KCND2: variants seen among roughly 807,000 people sequenced by gnomAD.
KCND2 encodes the protein potassium voltage-gated channel subfamily D member 2, also known as A-type voltage-gated potassium channel KCND2.
KCND2 carries 16 observed loss-of-function variants against 54.4 expected under a neutral mutation model. That is an observed-to-expected ratio of 0.29 (90% CI 0.20 to 0.45). KCND2 has a LOEUF of 0.45. KCND2 is among the 20% of genes least tolerant of loss of function. KCND2 has a pLI of 1.00. For synonymous variants in KCND2, 317 were observed against 310.7 expected, an observed-to-expected ratio of 1.02 and a Z score of -0.21; for missense variants, 486 against 824.2, an observed-to-expected ratio of 0.59 and a Z score of 5.02.
At chr7:120,579,641 T>A (rs957925695) in intron 1 of KCND2, among the ~76,000 whole-genome samples, 1 of 120,052 alleles carries the variant, frequency 8.3e-6, no homozygotes, top group Non-Finnish European at 1.8e-5. Flanking sequence ...AATAAATAAA[T>A]AAATAAAATA....
At chr7:120,611,023 T>G (rs1287500860) in intron 1 of KCND2, among the ~76,000 whole-genome samples, 2 of 152,292 alleles carry the variant, frequency 1.3e-5, no homozygotes, top group Non-Finnish European at 1.5e-5. Flanking sequence ...TCACTTGTTA[T>G]CCAAGTTTTA....
At chr7:120,636,835 C>T (rs1306364441) in intron 1 of KCND2, among the ~76,000 whole-genome samples, 1 of 152,186 alleles carries the variant, frequency 6.6e-6, no homozygotes, top group Non-Finnish European at 1.5e-5. Context: ...CCTCTACAAT[C>T]TACCAAGTGA....
chr7:120,376,206 A>G (rs573744639), intron 1 of KCND2, among the ~76,000 whole-genome samples: 2 of 151,728 alleles, frequency 1.3e-5, no homozygotes, highest in East Asian at 3.9e-4. Flanking sequence ...TCTGTATTCT[A>G]TTTCTTTTAT....
intron 1 of KCND2, among the ~76,000 whole-genome samples, chr7:120,282,396 T>C (rs1431610247): frequency 6.6e-6 from 1 of 152,138 alleles, no homozygotes; most frequent in Non-Finnish European, 1.5e-5. Flanking sequence ...CAGGAAAAGC[T>C]CAATGTAATC....
At chr7:120,351,244 G>GTGTATATATATATATATA (rs376321316) in intron 1 of KCND2, among the ~76,000 whole-genome samples, 11 of 137,350 alleles carry the variant, frequency 8.0e-5, no homozygotes, top group African/African-American at 2.7e-4. Context: ...TTATATGTGT[G>GTGTATATATATATATATA]TATATATATA....
At chr7:120,740,988 A>G (rs1411931069) in intron 2 of KCND2, 1 of 387,948 alleles carries the variant, frequency 2.6e-6, no homozygotes, top group Admixed American at 3.0e-5. Context: ...AATTTAAAGG[A>G]TAATTGCAAA....
chr7:120,729,191 A>G (rs1385779803), intron 1 of KCND2, among the ~76,000 whole-genome samples: 1 of 152,204 alleles, frequency 6.6e-6, no homozygotes, highest in African/African-American at 2.4e-5. Context: ...TCTGTGCTCA[A>G]TTACAAGTTG....
chr7:120,739,276 G>A (rs1192561949), intron 2 of KCND2, among the ~76,000 whole-genome samples: 1 of 151,944 alleles, frequency 6.6e-6, no homozygotes, highest in African/African-American at 2.4e-5. Context: ...GGCAATGAAT[G>A]TTCCAGGAGA....
At chr7:120,435,700 A>G (rs1197272342) in intron 1 of KCND2, among the ~76,000 whole-genome samples, 2 of 152,014 alleles carry the variant, frequency 1.3e-5, no homozygotes, top group African/African-American at 4.8e-5. Flanking sequence ...ACCGAACAGA[A>G]CCATAATATC....
intron 1 of KCND2, among the ~76,000 whole-genome samples, chr7:120,709,657 G>T (rs369167888): frequency 6.6e-6 from 1 of 152,132 alleles, no homozygotes; most frequent in Non-Finnish European, 1.5e-5. Context: ...TACCTTGGTT[G>T]TTCATGTTTC....
At chr7:120,542,672 C>A (rs921231468) in intron 1 of KCND2, among the ~76,000 whole-genome samples, 1 of 152,078 alleles carries the variant, frequency 6.6e-6, no homozygotes, top group Non-Finnish European at 1.5e-5. Context: ...CAATTGAATT[C>A]TTTTATTTCT....
At chr7:120,699,662 C>T (rs1174752542) in intron 1 of KCND2, among the ~76,000 whole-genome samples, 2 of 152,050 alleles carry the variant, frequency 1.3e-5, no homozygotes, top group South Asian at 4.2e-4. Context: ...TTTTCCATAG[C>T]AAAGAGAGAT....
At position 120,273,449 on chromosome 7, in the gene KCND2, G is replaced by C. The variant is rs1463719791; in HGVS notation, c.-1184G>C. ...CCGCCGCCCCGCAGCCCCGCACCGC[G>C]CTGGCCAGGCTCCCGCGACAGTGGC... On this transcript the variant is annotated 5_prime_UTR_variant, in exon 1 of 6. Coordinates refer to ENST00000331113, the MANE Select transcript of KCND2 (RefSeq NM_012281.3). Among the ~76,000 whole-genome samples, 5 of 149,142 alleles carry C rather than the reference G, an allele frequency of 3.4e-5. No individual in the cohort carries two copies. Among genetic ancestry groups the C allele is most frequent in the Admixed American group, 3.3e-4 (5 of 15,000 alleles).
At chr7:120,677,154 G>C (rs1432939339) in intron 1 of KCND2, among the ~76,000 whole-genome samples, 1 of 152,026 alleles carries the variant, frequency 6.6e-6, no homozygotes, top group East Asian at 1.9e-4. Flanking sequence ...CAAAGTCTTT[G>C]GAATGGAATA....
chr7:120,575,907 T>G (rs1792426046), intron 1 of KCND2, among the ~76,000 whole-genome samples: 1 of 152,262 alleles, frequency 6.6e-6, no homozygotes. Flanking sequence ...TAGCAATGTC[T>G]AAGGTTCTTA....
chr7:120,424,414 G>T (rs1207173948), intron 1 of KCND2, among the ~76,000 whole-genome samples: 1 of 152,102 alleles, frequency 6.6e-6, no homozygotes, highest in African/African-American at 2.4e-5. Flanking sequence ...TTATCTAATG[G>T]TTTGTCAGAT....
chr7:120,568,509 A>G (rs1792325483), intron 1 of KCND2, among the ~76,000 whole-genome samples: 1 of 152,162 alleles, frequency 6.6e-6, no homozygotes, highest in Admixed American at 6.5e-5. Context: ...AGTTGTATTA[A>G]AATCAAACCC....
At chr7:120,713,502 A>C (rs956168393) in intron 1 of KCND2, among the ~76,000 whole-genome samples, 2 of 152,174 alleles carry the variant, frequency 1.3e-5, no homozygotes, top group Non-Finnish European at 2.9e-5. Context: ...CCTTCAAATA[A>C]AATGTCATCA....
At chr7:120,395,276 A>G (rs991498053) in intron 1 of KCND2, among the ~76,000 whole-genome samples, 3 of 152,066 alleles carry the variant, frequency 2.0e-5, no homozygotes, top group African/African-American at 7.2e-5. Context: ...TTCCATAGCT[A>G]TTATTTAATT....
Sources: gnomAD v4.1 joint callset for allele counts (sites outside exome capture counted in the v4.1 genomes callset) on GRCh38, gnomAD v4.1.1 for gene constraint, MANE v1.5 for transcripts, NCBI Gene and HGNC (gene_info 2026-07-23, HGNC 2026-07-21) for gene names.